The following MGAT4C variants were observed in gnomAD, a reference collection of about 807,000 sequenced individuals.
The protein encoded by MGAT4C is MGAT4 family member C.
MGAT4C carries 19 observed loss-of-function variants against 40.1 expected under a neutral mutation model. That is an observed-to-expected ratio of 0.47 (90% CI 0.33 to 0.70). MGAT4C has a LOEUF of 0.70. Ranked by LOEUF, MGAT4C falls within the 30% of genes least tolerant of loss-of-function variation. MGAT4C has a pLI of 0.02. For missense variants in MGAT4C, 491 were observed against 563.2 expected, an observed-to-expected ratio of 0.87 and a Z score of 1.30; for synonymous variants, 181 against 187.1, an observed-to-expected ratio of 0.97 and a Z score of 0.27.
intron 1 of MGAT4C, among the ~76,000 whole-genome samples, chr12:86,080,622 G>A (rs573765518): frequency 7.9e-5 from 12 of 152,060 alleles, no homozygotes; most frequent in Non-Finnish European, 1.5e-4. Context: ...CACACACACC[G>A]GTACCATGAA....
chr12:86,641,888 G>T (rs1424624861), intron 2 of MGAT4C, among the ~76,000 whole-genome samples: 2 of 151,794 alleles, frequency 1.3e-5, no homozygotes, highest in African/African-American at 4.8e-5. Context: ...CATGCCAATT[G>T]TTCTATAAAT....
chr12:86,266,127 ATTTC>A (rs1952781791), intron 4 of MGAT4C, among the ~76,000 whole-genome samples: 1 of 152,046 alleles, frequency 6.6e-6, no homozygotes, highest in Non-Finnish European at 1.5e-5. Flanking sequence ...TATACCTTTT[ATTTC>A]TTTCTCTTGC....
chr12:86,522,566 G>A (rs570143473), intron 2 of MGAT4C, among the ~76,000 whole-genome samples: 1 of 151,954 alleles, frequency 6.6e-6, no homozygotes, highest in South Asian at 2.1e-4. Context: ...TTCTTTTTTT[G>A]TTGTATCTTG....
chr12:86,279,445 C>T (rs1479602751), intron 4 of MGAT4C, among the ~76,000 whole-genome samples: 2 of 152,034 alleles, frequency 1.3e-5, no homozygotes, highest in Non-Finnish European at 1.5e-5. Context: ...GATAGGCATA[C>T]TGTTCCTCAT....
chr12:86,429,056 T>C (rs1296870945), intron 3 of MGAT4C, among the ~76,000 whole-genome samples: 1 of 152,096 alleles, frequency 6.6e-6, no homozygotes, highest in East Asian at 1.9e-4. Flanking sequence ...TTATGTGGTT[T>C]ATTTGAGATC....
chr12:86,727,683 G>A (rs1365600993), intron 1 of MGAT4C, among the ~76,000 whole-genome samples: 2 of 152,002 alleles, frequency 1.3e-5, no homozygotes, highest in African/African-American at 2.4e-5. Context: ...GATTATTAAA[G>A]CATGTTATTG....
intron 1 of MGAT4C, among the ~76,000 whole-genome samples, chr12:86,787,391 G>A (rs767691109): frequency 2.0e-5 from 3 of 151,878 alleles, no homozygotes; most frequent in East Asian, 1.9e-4. Flanking sequence ...TGATTGAGTC[G>A]ATTCCATATT....
chr12:86,130,421 A>AT (rs1881009053), intron 1 of MGAT4C, among the ~76,000 whole-genome samples: 1 of 152,070 alleles, frequency 6.6e-6, no homozygotes, highest in African/African-American at 2.4e-5. Context: ...TGGAATTCTG[A>AT]TTTTTTAGGG....
At chr12:86,215,917 A>AT (rs1950654070) in intron 1 of MGAT4C, among the ~76,000 whole-genome samples, 1 of 151,956 alleles carries the variant, frequency 6.6e-6, no homozygotes, top group African/African-American at 2.4e-5. Context: ...AGCTCCACAG[A>AT]TTTGCTTTTT....
At chr12:86,307,888 A>G (rs1260114111) in intron 4 of MGAT4C, among the ~76,000 whole-genome samples, 2 of 150,064 alleles carry the variant, frequency 1.3e-5, no homozygotes, top group African/African-American at 5.0e-5. Context: ...TATTTTTAGT[A>G]GAGACAGGGT....
At chr12:86,298,547 A>G (rs1397123806) in intron 4 of MGAT4C, among the ~76,000 whole-genome samples, 7 of 152,184 alleles carry the variant, frequency 4.6e-5, no homozygotes, top group Admixed American at 4.6e-4. Flanking sequence ...TTCTCATAAC[A>G]TCATTTATTA....
intron 2 of MGAT4C, among the ~76,000 whole-genome samples, chr12:86,714,215 G>T (rs1950605323): frequency 6.6e-6 from 1 of 152,096 alleles, no homozygotes; most frequent in Non-Finnish European, 1.5e-5. Flanking sequence ...ATGCAGGTTA[G>T]CATTTCACTT....
At chr12:86,166,525 A>G (rs1476935554) in intron 1 of MGAT4C, among the ~76,000 whole-genome samples, 1 of 152,206 alleles carries the variant, frequency 6.6e-6, no homozygotes, top group Non-Finnish European at 1.5e-5. Context: ...TACAAAAATT[A>G]GTTGGCTGTG....
intron 1 of MGAT4C, among the ~76,000 whole-genome samples, chr12:86,144,986 CA>C (rs1018472545): frequency 6.6e-6 from 1 of 151,410 alleles, no homozygotes; most frequent in Non-Finnish European, 1.5e-5. Flanking sequence ...CAAAACAAAA[CA>C]AAAAAAATAT....
chr12:86,686,748 T>G (rs1455024826), intron 2 of MGAT4C, among the ~76,000 whole-genome samples: 1 of 152,228 alleles, frequency 6.6e-6, no homozygotes, highest in Non-Finnish European at 1.5e-5. Context: ...AATATTTTAT[T>G]GAGAATTTTC....
intron 1 of MGAT4C, among the ~76,000 whole-genome samples, chr12:86,836,509 T>C (rs1293635559): frequency 2.0e-5 from 3 of 152,058 alleles, no homozygotes. Context: ...TGGTAATATA[T>C]TTTGTAATGA....
At chr12:86,127,267 T>G (rs1382855810) in intron 1 of MGAT4C, among the ~76,000 whole-genome samples, 1 of 152,152 alleles carries the variant, frequency 6.6e-6, no homozygotes, top group Non-Finnish European at 1.5e-5. Flanking sequence ...GTGTAGACAG[T>G]TTTAACACAG....
intron 2 of MGAT4C, among the ~76,000 whole-genome samples, chr12:86,645,178 G>A (rs1593074984): frequency 6.6e-6 from 1 of 151,462 alleles, no homozygotes; most frequent in Admixed American, 6.6e-5. Context: ...AAAAAATATA[G>A]CATTTATAAA....
At chr12:86,037,969 G>A (rs180743914) in intron 2 of MGAT4C, among the ~76,000 whole-genome samples, 7 of 149,672 alleles carry the variant, frequency 4.7e-5, no homozygotes, top group African/African-American at 1.5e-4. Context: ...TGGGGGTGAC[G>A]AAGTCCAGTG....
Sources: gnomAD v4.1 joint callset for allele counts (sites outside exome capture counted in the v4.1 genomes callset) on GRCh38, gnomAD v4.1.1 for gene constraint, MANE v1.5 for transcripts, NCBI Gene and HGNC (gene_info 2026-07-23, HGNC 2026-07-21) for gene names.